SYNE1: variants seen among roughly 807,000 people sequenced by gnomAD.
SYNE1 encodes the protein nesprin-1.
Under a neutral mutation model 1,111.0 loss-of-function variants are expected in SYNE1, and 616 were observed. That is an observed-to-expected ratio of 0.55 (90% CI 0.52 to 0.59). The LOEUF (loss-of-function observed/expected upper bound fraction) is 0.59, where lower values mean the gene tolerates loss of function less well. Among genes scored for constraint, SYNE1 ranks in the 20% least tolerant of loss-of-function variants. The probability of loss-of-function intolerance (pLI) is 0.00; values close to 1 mark genes in which losing one functional copy is unlikely to be tolerated. For synonymous variants in SYNE1, 3,855 were observed against 3,825.8 expected, an observed-to-expected ratio of 1.01 and a Z score of -0.28; for missense variants, 10,006 against 10,417.0, an observed-to-expected ratio of 0.96 and a Z score of 1.72.
intron 66 of SYNE1, 42 bp from the exon 67 acceptor site, chr6:152,355,018 C>T: frequency 1.9e-6 from 3 of 1,606,630 alleles, no homozygotes; most frequent in African/African-American, 1.3e-5. Flanking sequence ...AATCATATTT[C>T]ACACTTGCAT....
intron 132 of SYNE1, chr6:152,155,302 C>T (rs1311611503): frequency 2.2e-6 from 1 of 460,560 alleles, no homozygotes; most frequent in South Asian, 2.2e-5. Flanking sequence ...ATTACAAGCA[C>T]ATCACACGAG....
chr6:152,504,622 C>T (rs1352590565), intron 9 of SYNE1, among the ~76,000 whole-genome samples: 1 of 152,140 alleles, frequency 6.6e-6, no homozygotes, highest in African/African-American at 2.4e-5. Flanking sequence ...ACTTTTGTTT[C>T]AACATAACAA....
chr6:152,156,834 T>G (rs1231984682), intron 131 of SYNE1, among the ~76,000 whole-genome samples: 2 of 145,354 alleles, frequency 1.4e-5, no homozygotes, highest in African/African-American at 5.0e-5. Context: ...AAAGATTTAC[T>G]TTTTTTTTTT....
intron 87 of SYNE1, among the ~76,000 whole-genome samples, chr6:152,311,410 G>C (rs2095542194): frequency 6.6e-6 from 1 of 152,184 alleles, no homozygotes; most frequent in South Asian, 2.1e-4. Context: ...ACTATCAAGA[G>C]AAGCAAAAAC....
chr6:152,441,289 A>T lies in SYNE1; in HGVS notation c.4009-19T>A. On this transcript the variant is annotated intron_variant, in intron 31 of 145. Transcript: ENST00000367255. ...ATGTGACCTAAATTTGAAAAAATAA[A>T]CAACAAATGGGTTACAAATGTCACA... The T allele has an allele frequency of 6.3e-7, 1 of 1,597,318 alleles. No homozygotes were observed. Among genetic ancestry groups the T allele is most frequent in the Non-Finnish European group, 8.5e-7 (1 of 1,170,044 alleles).
intron 112 of SYNE1, among the ~76,000 whole-genome samples, chr6:152,233,488 C>T (rs915824452): frequency 6.6e-6 from 1 of 152,116 alleles, no homozygotes; most frequent in Non-Finnish European, 1.5e-5. Flanking sequence ...CCACGCCAGG[C>T]TAATTTTTTG....
At chr6:152,264,203 T>C (rs184682314) in intron 100 of SYNE1, among the ~76,000 whole-genome samples, 1 of 52,094 alleles carries the variant, frequency 1.9e-5, no homozygotes, top group East Asian at 6.6e-4. Context: ...CAAGACTCCA[T>C]CTCAAAAAAA....
At chr6:152,183,775 G>C (rs994366542) in intron 128 of SYNE1, among the ~76,000 whole-genome samples, 4 of 152,148 alleles carry the variant, frequency 2.6e-5, no homozygotes, top group African/African-American at 9.7e-5. Flanking sequence ...TCATAGGTAA[G>C]TATTATTATC....
At chr6:152,279,739 A>G (rs1250155702) in intron 97 of SYNE1, among the ~76,000 whole-genome samples, 1 of 151,302 alleles carries the variant, frequency 6.6e-6, no homozygotes, top group African/African-American at 2.4e-5. Flanking sequence ...AAAAAAAAGA[A>G]TATAACATCA....
chr6:152,347,550 T>C (rs1308341012), intron 72 of SYNE1, among the ~76,000 whole-genome samples: 1 of 152,190 alleles, frequency 6.6e-6, no homozygotes. Flanking sequence ...GATGTCCCTA[T>C]ATTTTTCAGG....
Position 152,579,107 on chromosome 6 carries a change from G to T in SYNE1, c.68-39086C>A, listed in dbSNP as rs922631040. 2.0e-5 allele frequency among the ~76,000 whole-genome samples: 3 copies of T among 152,136 alleles called. No homozygotes were observed. The East Asian group carries it at 5.8e-4, about 29-fold the overall frequency. On this transcript the variant is annotated intron_variant, in intron 3 of 145. Coordinates refer to ENST00000367255, the MANE Select transcript of SYNE1 (RefSeq NM_182961.4). ...TTTTTAAGTCATATTGTAGAAGATT[G>T]CATTTTCCAAAGATGACAACAATAA...
intron 67 of SYNE1, 27 bp downstream of exon 67, chr6:152,354,632 A>G: frequency 1.9e-6 from 3 of 1,612,312 alleles, no homozygotes; most frequent in Non-Finnish European, 2.5e-6. Context: ...AGCTTTGACA[A>G]AGATCAGGAA....
chr6:152,193,521 T>C (rs2073148746), intron 127 of SYNE1, among the ~76,000 whole-genome samples: 1 of 152,132 alleles, frequency 6.6e-6, no homozygotes, highest in Non-Finnish European at 1.5e-5. Context: ...TTTTGCCATG[T>C]TGACCAGGTT....
chr6:152,312,466 C>T (rs2095584868), intron 87 of SYNE1, among the ~76,000 whole-genome samples: 1 of 150,882 alleles, frequency 6.6e-6, no homozygotes, highest in African/African-American at 2.4e-5. Flanking sequence ...CTCGGTCCCC[C>T]AAAGTGCTGG....
chr6:152,297,803 G>A lies in SYNE1; in HGVS notation c.17682+2838C>T, dbSNP rs199864823. ...ACTCTGTGTGTGTGTGTGTGTGTGTGTGTGTGTGTGTGTGTGTGTGCGCGC... is the reference window on the plus strand; with the variant it reads ...ACTCTGTGTGTGTGTGTGTGTGTGTATGTGTGTGTGTGTGTGTGTGCGCGC... On this transcript the variant is annotated intron_variant, in intron 93 of 145. Coordinates refer to ENST00000367255, the MANE Select transcript of SYNE1 (RefSeq NM_182961.4). 3.4e-3 allele frequency among the ~76,000 whole-genome samples: 336 copies of A among 99,084 alleles called. 9 individuals are homozygous for A. In the East Asian group the frequency reaches 0.056, roughly 17 times the overall value. 65.0% of individuals were successfully genotyped at this position (99,084 alleles called of 152,430 possible).
rs1179568983 is a variant in SYNE1, at chr6:152,362,257, C to A, written c.10212G>T (p.Trp3404Cys). Residue 3404 changes from tryptophan (W) to cysteine (C), a missense_variant, in exon 64 of 146, where the codon TGG (tryptophan) becomes TGT (cysteine). Trp to Cys is a radical substitution (Grantham distance 215, BLOSUM62 -2). Transcript: ENST00000367255. ...YQDGVRQFSG[W>C]MDSMEANLNE... ...TCAGGTTGGCTTCCATACTATCCAT[C>A]CAACCGGAGAACTGTCGAACGCCAT... 2 of 1,614,226 alleles carry A rather than the reference C, an allele frequency of 1.2e-6. No homozygotes were observed. Among genetic ancestry groups the A allele is most frequent in the Admixed American group, 3.3e-5 (2 of 60,030 alleles).
At chr6:152,377,634 AAAAAAAATATATATATATAT>A (rs1436333818) in intron 56 of SYNE1, among the ~76,000 whole-genome samples, 1 of 73,466 alleles carries the variant, frequency 1.4e-5, no homozygotes, top group Admixed American at 1.5e-4. Flanking sequence ...AAAAAAAAAA[AAAAAAAATATATATATATAT>A]ATATATATAT....
At chr6:152,306,129 C>A (rs997850475) in intron 91 of SYNE1, among the ~76,000 whole-genome samples, 13 of 152,076 alleles carry the variant, frequency 8.5e-5, no homozygotes, top group Non-Finnish European at 1.3e-4. Flanking sequence ...GATTTAGGAG[C>A]TCAGGAAGTC....
rs561446561 is a variant in SYNE1, at chr6:152,384,090, T to A, written c.8652+1584A>T. Among the ~76,000 whole-genome samples, 3 of 152,368 alleles carry A rather than the reference T, an allele frequency of 2.0e-5. No homozygotes were observed. In the East Asian group the frequency reaches 5.8e-4, roughly 29 times the overall value. On this transcript the variant is annotated intron_variant, in intron 55 of 145. Transcript: ENST00000367255. ...GATGCTACAGGTTTTATGTGTATGATCTAATTTGCTTGTCAAAACAACTTT... is the reference window on the plus strand; with the variant it reads ...GATGCTACAGGTTTTATGTGTATGAACTAATTTGCTTGTCAAAACAACTTT...
Sources: allele counts gnomAD v4.1 joint callset (sites outside exome capture counted in the v4.1 genomes callset), GRCh38; gene constraint gnomAD v4.1.1; transcripts MANE v1.5; gene names NCBI Gene and HGNC (gene_info 2026-07-23, HGNC 2026-07-21).